CELF1: variants seen among roughly 807,000 people sequenced by gnomAD.
CELF1 encodes the protein CUGBP Elav-like family member 1, also known as 50 kDa nuclear polyadenylated RNA-binding protein.
Under a neutral mutation model 61.8 loss-of-function variants are expected in CELF1, and 10 were observed. The ratio of observed to expected loss-of-function variants is 0.16; its 90% confidence interval spans 0.10 to 0.27. The LOEUF is 0.27. CELF1 is among the 10% of genes least tolerant of loss of function. The pLI, the probability that CELF1 is intolerant of heterozygous loss-of-function variation, is 1.00. For missense variants in CELF1, 380 were observed against 639.1 expected (o/e 0.59, Z 4.37); for synonymous variants, 236 against 225.1 (o/e 1.05, Z -0.43).
intron 4 of CELF1, among the ~76,000 whole-genome samples, chr11:47,488,448 A>G (rs1217761041): frequency 1.3e-5 from 2 of 152,222 alleles, no homozygotes; most frequent in Non-Finnish European, 1.5e-5. Flanking sequence ...CCCAAACACT[A>G]AAGAAAACTT....
At chr11:47,533,791 T>C (rs1322661758) in intron 1 of CELF1, among the ~76,000 whole-genome samples, 13 of 99,798 alleles carry the variant, frequency 1.3e-4, no homozygotes, top group African/African-American at 5.4e-4. Context: ...GCCTGGGCAA[T>C]AGAGCGAGAC....
chr11:47,482,900 AAAG>A (rs1383099322), intron 8 of CELF1, 44 bp from the exon 9 acceptor site: 1 of 1,566,036 alleles, frequency 6.4e-7, no homozygotes, highest in East Asian at 2.3e-5. Context: ...CTCCATCTGA[AAAG>A]AAGAAAAAAA....
At chr11:47,540,088 A>G (rs1446842431) in intron 1 of CELF1, among the ~76,000 whole-genome samples, 2 of 152,218 alleles carry the variant, frequency 1.3e-5, no homozygotes, top group Non-Finnish European at 2.9e-5. Flanking sequence ...GTATAATTAG[A>G]GTAGGGACTA....
At chr11:47,562,793 C>T (rs1451348388) in intron 2 of CELF1, among the ~76,000 whole-genome samples, 1 of 151,958 alleles carries the variant, frequency 6.6e-6, no homozygotes, top group Non-Finnish European at 1.5e-5. Context: ...CAAACTCCGC[C>T]TCCTGGGTTC....
upstream of CELF1, among the ~76,000 whole-genome samples, chr11:47,554,389 C>T (rs1430027563): frequency 4.6e-5 from 7 of 152,246 alleles, no homozygotes; most frequent in East Asian, 1.2e-3. Flanking sequence ...AATGTTGTCA[C>T]AAATATTACC....
At chr11:47,493,469 T>C (rs938873074) in intron 3 of CELF1, among the ~76,000 whole-genome samples, 17 of 144,456 alleles carry the variant, frequency 1.2e-4, no homozygotes, top group African/African-American at 4.4e-4. Context: ...GATCGTGCCA[T>C]TGTACTCCAG....
At chr11:47,507,427 T>C (rs895248664) in intron 1 of CELF1, among the ~76,000 whole-genome samples, 3 of 152,072 alleles carry the variant, frequency 2.0e-5, no homozygotes, top group Admixed American at 1.3e-4. Context: ...TAAATGCATC[T>C]TGGTGGCCCT....
At chr11:47,548,889 A>G (rs1271271855) in intron 1 of CELF1, among the ~76,000 whole-genome samples, 1 of 147,536 alleles carries the variant, frequency 6.8e-6, no homozygotes, top group East Asian at 2.0e-4. Context: ...AAAAAAATCC[A>G]GAAAATATAA....
At chr11:47,508,665 G>C (rs1277012152) in intron 1 of CELF1, among the ~76,000 whole-genome samples, 1 of 141,416 alleles carries the variant, frequency 7.1e-6, no homozygotes, top group Admixed American at 7.1e-5. Flanking sequence ...ACTTTTTAAA[G>C]GAAACCTCAA....
chr11:47,488,573 A>G (rs2153473210), intron 4 of CELF1, among the ~76,000 whole-genome samples: 1 of 152,332 alleles, frequency 6.6e-6, no homozygotes, highest in Non-Finnish European at 1.5e-5. Context: ...CCAAGACCCA[A>G]TTTACAAATT....
At chr11:47,540,668 G>A (rs578080670) in intron 1 of CELF1, among the ~76,000 whole-genome samples, 2 of 152,162 alleles carry the variant, frequency 1.3e-5, no homozygotes, top group South Asian at 2.1e-4. Flanking sequence ...GGTGGATCAC[G>A]AGGTCAGGAG....
chr11:47,504,892 ACT>A (rs1161055300), intron 1 of CELF1, among the ~76,000 whole-genome samples: 1 of 135,942 alleles, frequency 7.4e-6, no homozygotes, highest in African/African-American at 2.7e-5. Flanking sequence ...ATAGAGTGAG[ACT>A]CTGTCACCAA....
intron 1 of CELF1, among the ~76,000 whole-genome samples, chr11:47,507,962 A>G (rs1665563504): frequency 6.6e-6 from 1 of 152,190 alleles, no homozygotes; most frequent in Non-Finnish European, 1.5e-5. Context: ...TCTACCATCA[A>G]AAGTTACCAA....
At position 47,563,366 on chromosome 11, in the gene CELF1, G is replaced by A. The variant is rs551358687; in HGVS notation, c.-11+985C>T. On this transcript the variant is annotated intron_variant, in intron 2 of 3. Coordinates refer to the CELF1 transcript ENST00000525841. ...TGGTGAGTCTCTGCTAATTCATAAG[G>A]GGCTTATTTTGAGGGCAATGAAAAT... is the stretch of plus-strand genomic sequence containing the variant. Among the ~76,000 whole-genome samples, 58 of 152,180 alleles carry A rather than the reference G, an allele frequency of 3.8e-4. 1 individual carries two copies. Among genetic ancestry groups the A allele is most frequent in the Non-Finnish European group, 1.6e-4 (11 of 68,040 alleles).
intron 1 of CELF1, among the ~76,000 whole-genome samples, chr11:47,521,913 A>ATTT (rs35862688): frequency 6.8e-6 from 1 of 146,360 alleles, no homozygotes; most frequent in East Asian, 2.0e-4. Flanking sequence ...AGCTATGCTG[A>ATTT]TTTTTTTTTT....
chr11:47,489,935 G>GTTTTTGTTTTTTTTTTTTTTTT (rs1555170253), intron 3 of CELF1, among the ~76,000 whole-genome samples: 3 of 48,236 alleles, frequency 6.2e-5, no homozygotes, highest in Non-Finnish European at 7.8e-5. Flanking sequence ...ATACCATCTT[G>GTTTTTGTTTTTTTTTTTTTTTT]TTTTTTTTTT....
At chr11:47,475,643 G>T in intron 12 of CELF1, 122 bp from the exon 13 acceptor site, 1 of 906,210 alleles carries the variant, frequency 1.1e-6, no homozygotes. Context: ...CTCCCTCTTA[G>T]TTTCTCCCTG....
intron 1 of CELF1, among the ~76,000 whole-genome samples, chr11:47,508,326 T>C (rs1444013018): frequency 6.6e-6 from 1 of 152,172 alleles, no homozygotes; most frequent in Non-Finnish European, 1.5e-5. Flanking sequence ...AAAACAGTGT[T>C]ATTATGTGAT....
intron 1 of CELF1, among the ~76,000 whole-genome samples, chr11:47,508,714 G>A (rs1268570630): frequency 6.6e-6 from 1 of 150,998 alleles, no homozygotes; most frequent in East Asian, 1.9e-4. Context: ...AAACAACACT[G>A]TAATCTTCCA....
Sources: allele counts gnomAD v4.1 joint callset (sites outside exome capture counted in the v4.1 genomes callset), GRCh38; gene constraint gnomAD v4.1.1; transcripts MANE v1.5; gene names NCBI Gene and HGNC (gene_info 2026-07-23, HGNC 2026-07-21).